SLC60A2: variants seen among roughly 807,000 people sequenced by gnomAD.
The protein encoded by SLC60A2 is major facilitator superfamily domain containing 4B.
At chr6:111,263,354 C>T in the SLC60A2 span, among the ~76,000 whole-genome samples, 2 of 152,056 alleles carry the variant, frequency 1.3e-5, no homozygotes, top group African/African-American at 4.8e-5. Context: ...AATAAATAAT[C>T]CCTCTTATTT....
At chr6:111,261,936 T>G in the SLC60A2 span, among the ~76,000 whole-genome samples, 1 of 152,194 alleles carries the variant, frequency 6.6e-6, no homozygotes, top group African/African-American at 2.4e-5. Flanking sequence ...GCATGTAATA[T>G]ATTTCAAAAT....
At chr6:111,270,716 G>A in the SLC60A2 span, 1 of 152,262 alleles carries the variant, frequency 6.6e-6, no homozygotes, top group Non-Finnish European at 1.5e-5. Context: ...GTGGTGGCGG[G>A]TGCCTGTAGT....
chr6:111,260,858 A>T, the SLC60A2 span, among the ~76,000 whole-genome samples: 1 of 152,244 alleles, frequency 6.6e-6, no homozygotes, highest in Non-Finnish European at 1.5e-5. Flanking sequence ...TTCTGTGCTC[A>T]GGCTTCTCTC....
the SLC60A2 span, among the ~76,000 whole-genome samples, chr6:111,272,353 G>T: frequency 6.6e-6 from 1 of 152,122 alleles, no homozygotes; most frequent in South Asian, 2.1e-4. Context: ...TCAAAGCAGG[G>T]TAATTAGGAT....
chr6:111,263,967 C>T, the SLC60A2 span: 3 of 1,244,852 alleles, frequency 2.4e-6, no homozygotes, highest in Non-Finnish European at 3.5e-6. Flanking sequence ...TCTTCAACGT[C>T]ATCTCTGGGA....
At chr6:111,276,146 C>T in the SLC60A2 span, among the ~76,000 whole-genome samples, 1 of 152,180 alleles carries the variant, frequency 6.6e-6, no homozygotes, top group Non-Finnish European at 1.5e-5. Context: ...ATTGTATATA[C>T]ATACTATATT....
the SLC60A2 span, chr6:111,259,753 C>T: frequency 5.8e-6 from 9 of 1,561,138 alleles, no homozygotes; most frequent in Admixed American, 1.2e-4. Context: ...GCAACACTCC[C>T]AGGCCGGGGC....
At chr6:111,259,633 C>T in the SLC60A2 span, 2 of 1,516,250 alleles carry the variant, frequency 1.3e-6, no homozygotes, top group Non-Finnish European at 1.8e-6. Context: ...GAGCCGGAGC[C>T]GGAGGTGGTG....
chr6:111,265,220 T>C, the SLC60A2 span: 1 of 880,938 alleles, frequency 1.1e-6, no homozygotes, highest in Non-Finnish European at 1.4e-6. Flanking sequence ...TTAATTTTGT[T>C]ATGAAATTAT....
the SLC60A2 span, chr6:111,271,270 A>C: frequency 6.6e-6 from 1 of 151,962 alleles, no homozygotes; most frequent in Middle Eastern, 3.4e-3. Context: ...GAATCCAGGG[A>C]CATTTTGAGA....
the SLC60A2 span, among the ~76,000 whole-genome samples, chr6:111,276,351 T>C: frequency 6.6e-6 from 1 of 152,244 alleles, no homozygotes; most frequent in African/African-American, 2.4e-5. Flanking sequence ...TTTGTGTTTT[T>C]TGTCTTAGAT....
the SLC60A2 span, among the ~76,000 whole-genome samples, chr6:111,272,553 C>T: frequency 6.7e-6 from 1 of 150,176 alleles, no homozygotes; most frequent in Admixed American, 6.6e-5. Context: ...CTCTTGTTGC[C>T]CAGGCTGCAG....
chr6:111,266,711 G>C, the SLC60A2 span: 1 of 1,614,160 alleles, frequency 6.2e-7, no homozygotes, highest in South Asian at 1.1e-5. Context: ...ACCCTGATTT[G>C]CCTGTAGTTC....
the SLC60A2 span, chr6:111,262,361 A>T: frequency 4.3e-6 from 7 of 1,614,120 alleles, no homozygotes; most frequent in African/African-American, 9.3e-5. Flanking sequence ...GTGCCTTGGG[A>T]TATTTGAGTG....
At chr6:111,262,122 A>G in the SLC60A2 span, 1 of 570,314 alleles carries the variant, frequency 1.8e-6, no homozygotes, top group East Asian at 3.1e-5. Flanking sequence ...AAAAAACAGT[A>G]GTCTAATTCC....
the SLC60A2 span, among the ~76,000 whole-genome samples, chr6:111,276,068 G>A: frequency 6.6e-6 from 1 of 152,140 alleles, no homozygotes; most frequent in African/African-American, 2.4e-5. Context: ...TTAACATAAT[G>A]TCTTCAAGGA....
At chr6:111,267,840 A>G in the SLC60A2 span, 2 of 152,288 alleles carry the variant, frequency 1.3e-5, no homozygotes, top group South Asian at 2.1e-4. Context: ...ATGGAGAGGT[A>G]TTTTTATTAA....
the SLC60A2 span, chr6:111,270,664 A>G: frequency 1.3e-5 from 2 of 152,120 alleles, no homozygotes; most frequent in Non-Finnish European, 2.9e-5. Flanking sequence ...ACACGGTGAA[A>G]CCCCATCTCT....
At chr6:111,266,989 C>A in the SLC60A2 span, 1 of 1,614,166 alleles carries the variant, frequency 6.2e-7, no homozygotes, top group Non-Finnish European at 8.5e-7. Context: ...AGTAGTCTGA[C>A]GGAGCCCACA....
Sources: gnomAD v4.1 joint callset for allele counts (sites outside exome capture counted in the v4.1 genomes callset) on GRCh38, gnomAD v4.1.1 for gene constraint, MANE v1.5 for transcripts, NCBI Gene and HGNC (gene_info 2026-07-23, HGNC 2026-07-21) for gene names.